Variants in CNTN5 observed in about 807,000 individuals in gnomAD.
CNTN5 encodes the protein contactin-5.
CNTN5 carries 77 observed loss-of-function variants against 129.1 expected under a neutral mutation model. The ratio of observed to expected loss-of-function variants is 0.60; its 90% CI spans 0.50 to 0.72. The LOEUF is 0.72. CNTN5 is among the 30% of genes least tolerant of loss of function. The pLI is 0.00. For synonymous variants in CNTN5, 509 were observed against 465.6 expected (o/e 1.09, Z -1.20); for missense variants, 1,478 against 1,328.8 (o/e 1.11, Z -1.75).
At chr11:99,043,495 A>G (rs1045319081) in intron 1 of CNTN5, among the ~76,000 whole-genome samples, 3 of 152,170 alleles carry the variant, frequency 2.0e-5, no homozygotes, top group African/African-American at 7.2e-5. Context: ...ACTTAACCGA[A>G]TAACAGTAGA....
intron 3 of CNTN5, among the ~76,000 whole-genome samples, chr11:99,732,482 G>T (rs1185060046): frequency 6.9e-6 from 1 of 144,720 alleles, no homozygotes; most frequent in African/African-American, 2.5e-5. Context: ...CTAAAAATAA[G>T]CCTTAAATTT....
chr11:99,992,451 G>A (rs737583), intron 8 of CNTN5, among the ~76,000 whole-genome samples: 57,697 of 152,052 alleles, frequency 0.38, 12,415 homozygotes, highest in African/African-American at 0.59. Flanking sequence ...ATTTTAGTCA[G>A]TTATACTCTA....
At chr11:99,041,695 C>A (rs943302082) in intron 1 of CNTN5, among the ~76,000 whole-genome samples, 1 of 152,086 alleles carries the variant, frequency 6.6e-6, no homozygotes, top group African/African-American at 2.4e-5. Context: ...GAGCATGCCC[C>A]AATCTTTTAG....
At chr11:100,354,131 G>A (rs961869721) in intron 24 of CNTN5, among the ~76,000 whole-genome samples, 2 of 151,486 alleles carry the variant, frequency 1.3e-5, no homozygotes, top group African/African-American at 4.8e-5. Flanking sequence ...TGCAAGAGGA[G>A]AATAAATAAT....
intron 13 of CNTN5, among the ~76,000 whole-genome samples, chr11:100,117,516 T>A (rs1187995251): frequency 2.0e-5 from 3 of 151,934 alleles, no homozygotes; most frequent in Non-Finnish European, 4.4e-5. Context: ...CGTGAAATAG[T>A]ACATATAAAA....
chr11:99,930,796 A>ACAC (rs1950174060), intron 7 of CNTN5, among the ~76,000 whole-genome samples: 2 of 149,456 alleles, frequency 1.3e-5, no homozygotes, highest in African/African-American at 4.9e-5. Flanking sequence ...CATACACACA[A>ACAC]ACACACACAC....
intron 13 of CNTN5, among the ~76,000 whole-genome samples, chr11:100,125,111 A>G (rs1455070884): frequency 6.6e-6 from 1 of 152,082 alleles, no homozygotes; most frequent in African/African-American, 2.4e-5. Flanking sequence ...TGAAGATGTT[A>G]TAGAAAATAA....
intron 15 of CNTN5, among the ~76,000 whole-genome samples, chr11:100,203,737 C>A (rs1948840740): frequency 6.7e-6 from 1 of 150,054 alleles, no homozygotes; most frequent in African/African-American, 2.5e-5. Context: ...TACCATGTTT[C>A]TAACAAGCCG....
At chr11:100,135,831 T>A (rs968273534) in intron 13 of CNTN5, among the ~76,000 whole-genome samples, 2 of 152,114 alleles carry the variant, frequency 1.3e-5, no homozygotes, top group Non-Finnish European at 2.9e-5. Flanking sequence ...GTTTATGATC[T>A]CTTGTTTCTA....
chr11:99,764,194 C>T (rs1434411007), intron 3 of CNTN5, among the ~76,000 whole-genome samples: 2 of 151,690 alleles, frequency 1.3e-5, no homozygotes, highest in African/African-American at 4.8e-5. Flanking sequence ...CCTAGATGTA[C>T]AAAACCTTAA....
At chr11:100,109,939 G>A (rs2138109213) in intron 13 of CNTN5, among the ~76,000 whole-genome samples, 1 of 152,222 alleles carries the variant, frequency 6.6e-6, no homozygotes, top group South Asian at 2.1e-4. Flanking sequence ...AGCATTTTGA[G>A]AGGCCGAGAT....
intron 4 of CNTN5, among the ~76,000 whole-genome samples, chr11:99,823,962 A>T (rs958819393): frequency 2.6e-5 from 4 of 152,074 alleles, no homozygotes; most frequent in Non-Finnish European, 5.9e-5. Flanking sequence ...TCAACATTAT[A>T]TCCTAGAGAT....
chr11:100,348,325 T>A (rs1565444222), intron 23 of CNTN5, among the ~76,000 whole-genome samples: 3 of 152,050 alleles, frequency 2.0e-5, no homozygotes, highest in Non-Finnish European at 4.4e-5. Context: ...ATTAATTTAA[T>A]GTATCTTTTT....
At chr11:99,398,879 C>G (rs1442418395) in intron 2 of CNTN5, among the ~76,000 whole-genome samples, 1 of 151,708 alleles carries the variant, frequency 6.6e-6, no homozygotes, top group African/African-American at 2.4e-5. Context: ...TTTCCTTTGC[C>G]TTTTTTGCTC....
At chr11:99,162,170 T>G (rs1860643294) in intron 1 of CNTN5, among the ~76,000 whole-genome samples, 1 of 152,170 alleles carries the variant, frequency 6.6e-6, no homozygotes, top group Non-Finnish European at 1.5e-5. Context: ...AGAGCTATCT[T>G]GTCCTGTTTT....
At chr11:99,024,010 A>G (rs552847381) in intron 1 of CNTN5, among the ~76,000 whole-genome samples, 9 of 152,290 alleles carry the variant, frequency 5.9e-5, no homozygotes, top group African/African-American at 1.7e-4. Flanking sequence ...TTAACACTTT[A>G]TAGCAGGAAA....
At chr11:100,073,246 C>G (rs897765587) in intron 12 of CNTN5, among the ~76,000 whole-genome samples, 1 of 151,822 alleles carries the variant, frequency 6.6e-6, no homozygotes, top group Non-Finnish European at 1.5e-5. Context: ...GGGGTTTCAC[C>G]GTGTTGGCCA....
chr11:99,285,493 C>T (rs575118124), intron 1 of CNTN5, among the ~76,000 whole-genome samples: 2 of 150,998 alleles, frequency 1.3e-5, no homozygotes, highest in Non-Finnish European at 2.9e-5. Flanking sequence ...AAGTAGGGTG[C>T]TGTTTTTTAA....
At chr11:99,587,822 A>G (rs1321384977) in intron 3 of CNTN5, among the ~76,000 whole-genome samples, 1 of 152,210 alleles carries the variant, frequency 6.6e-6, no homozygotes, top group East Asian at 1.9e-4. Context: ...TTTTCAAAAG[A>G]GTGCTTTAAT....
Sources: gnomAD v4.1 joint callset for allele counts (sites outside exome capture counted in the v4.1 genomes callset) on GRCh38, gnomAD v4.1.1 for gene constraint, MANE v1.5 for transcripts, NCBI Gene and HGNC (gene_info 2026-07-23, HGNC 2026-07-21) for gene names.